The following GRID2 variants were observed in gnomAD, a reference collection of about 807,000 sequenced individuals.
The protein encoded by GRID2 is glutamate receptor ionotropic, delta-2.
A neutral mutation model predicts 114.8 loss-of-function variants in GRID2; 33 were observed. The ratio of observed to expected loss-of-function variants is 0.29; its 90% CI spans 0.22 to 0.38. The LOEUF (loss-of-function observed/expected upper bound fraction) is 0.38. Among genes scored for constraint, GRID2 ranks in the 10% least tolerant of loss-of-function variants. The pLI, the probability that GRID2 is intolerant of heterozygous loss-of-function variation, is 1.00. For missense variants in GRID2, 1,184 were observed against 1,257.7 expected (o/e 0.94, Z 0.89); for synonymous variants, 505 against 449.9 (o/e 1.12, Z -1.55).
At chr4:93,414,721 G>C (rs1404487750) in intron 9 of GRID2, among the ~76,000 whole-genome samples, 1 of 127,122 alleles carries the variant, frequency 7.9e-6, no homozygotes, top group African/African-American at 3.6e-5. Context: ...TTTTTTGTTT[G>C]TTGTCTGTCA....
chr4:93,788,228 G>A (rs932597628), intron 1 of GRID2, among the ~76,000 whole-genome samples: 9 of 151,914 alleles, frequency 5.9e-5, no homozygotes, highest in African/African-American at 2.2e-4. Flanking sequence ...TGAGACAGGA[G>A]AATAGCTTGA....
chr4:92,379,571 G>C (rs1003311255), intron 1 of GRID2, among the ~76,000 whole-genome samples: 3 of 151,988 alleles, frequency 2.0e-5, no homozygotes, highest in African/African-American at 4.8e-5. Flanking sequence ...ATATGGCGGG[G>C]TTGAACAGTA....
intron 2 of GRID2, among the ~76,000 whole-genome samples, chr4:92,986,554 A>G (rs935663206): frequency 1.3e-5 from 2 of 152,128 alleles, no homozygotes; most frequent in African/African-American, 4.8e-5. Context: ...CTTTGGTAGC[A>G]CACCACTGGC....
chr4:93,056,197 TAAAAG>T (rs1273650912), intron 2 of GRID2, among the ~76,000 whole-genome samples: 1 of 151,928 alleles, frequency 6.6e-6, no homozygotes, highest in African/African-American at 2.4e-5. Context: ...TTTTGAAACA[TAAAAG>T]AAACATATGT....
chr4:93,271,437 G>A (rs886403205), intron 8 of GRID2, among the ~76,000 whole-genome samples: 4 of 152,118 alleles, frequency 2.6e-5, no homozygotes, highest in Non-Finnish European at 2.9e-5. Context: ...CAGCAATCCC[G>A]GTTAGGAAGC....
At chr4:93,704,518 A>AT (rs1326709719) in intron 14 of GRID2, among the ~76,000 whole-genome samples, 27 of 152,112 alleles carry the variant, frequency 1.8e-4, no homozygotes, top group Admixed American at 1.8e-3. Context: ...CCATTTGTCA[A>AT]TTTTGGCTTT....
chr4:93,688,844 C>T (rs1393285974), intron 14 of GRID2, among the ~76,000 whole-genome samples: 2 of 151,998 alleles, frequency 1.3e-5, no homozygotes, highest in African/African-American at 2.4e-5. Context: ...GAATAAGTGA[C>T]CAATTTGTAA....
In GRID2 at chr4:92,417,790, C is replaced by A. The variant is rs528282638; in HGVS notation, c.88+113046C>A. On this transcript the variant is annotated intron_variant, in intron 1 of 15. Transcript: ENST00000282020. ...GTAATAATTCCCACATGTCATGGGA[C>A]GGACCCAGTAGGAAGTAATTGAATC... Among the ~76,000 whole-genome samples the A allele has an allele frequency of 3.3e-5, 5 of 152,196 alleles. No homozygotes were observed. The South Asian group carries it at 8.3e-4, about 25-fold the overall frequency.
At chr4:93,370,365 A>G (rs114631855) in intron 8 of GRID2, among the ~76,000 whole-genome samples, 149 of 151,596 alleles carry the variant, frequency 9.8e-4, no homozygotes, top group African/African-American at 3.2e-3. Flanking sequence ...TCATAATACT[A>G]CACACACAGA....
chr4:93,804,331 AGAGT>A (rs1462986410), intron 1 of GRID2, among the ~76,000 whole-genome samples: 1 of 152,208 alleles, frequency 6.6e-6, no homozygotes, highest in Non-Finnish European at 1.5e-5. Flanking sequence ...TGAACATCAC[AGAGT>A]GAGTATCCTC....
intron 2 of GRID2, among the ~76,000 whole-genome samples, chr4:92,832,405 G>GT (rs1169360873): frequency 1.3e-5 from 2 of 152,006 alleles, no homozygotes; most frequent in East Asian, 1.9e-4. Flanking sequence ...GTTTTGTTTT[G>GT]TTTTTTGAGA....
intron 2 of GRID2, among the ~76,000 whole-genome samples, chr4:93,060,228 C>T (rs893159030): frequency 4.6e-5 from 7 of 152,132 alleles, no homozygotes; most frequent in Admixed American, 2.6e-4. Context: ...TCTAGTCAAA[C>T]TGAAGCTGTC....
chr4:93,551,718 A>C (rs1330192279), intron 13 of GRID2, among the ~76,000 whole-genome samples: 17 of 152,176 alleles, frequency 1.1e-4, no homozygotes, highest in Admixed American at 1.1e-3. Context: ...TTGGTGCAAA[A>C]GTTATTGTGG....
At chr4:92,790,605 T>C (rs1442659617) in intron 2 of GRID2, among the ~76,000 whole-genome samples, 2 of 151,090 alleles carry the variant, frequency 1.3e-5, no homozygotes, top group East Asian at 2.0e-4. Context: ...TTTGTAGAGA[T>C]AGCAGTCTCA....
chr4:92,457,479 T>C (rs1361409746), intron 1 of GRID2, among the ~76,000 whole-genome samples: 2 of 152,132 alleles, frequency 1.3e-5, no homozygotes, highest in African/African-American at 4.8e-5. Flanking sequence ...TATATTTCTT[T>C]TATGCGCATC....
At chr4:92,560,738 C>G (rs1247711659) in intron 1 of GRID2, among the ~76,000 whole-genome samples, 1 of 152,058 alleles carries the variant, frequency 6.6e-6, no homozygotes, top group Non-Finnish European at 1.5e-5. Context: ...CAGAGTGCCA[C>G]TCTTGACGCC....
intron 8 of GRID2, among the ~76,000 whole-genome samples, chr4:93,349,719 G>C (rs1760604210): frequency 6.6e-6 from 1 of 152,006 alleles, no homozygotes; most frequent in Non-Finnish European, 1.5e-5. Flanking sequence ...TGAGCATCCA[G>C]CTCTCAGTGT....
chr4:92,822,179 G>T (rs12640873), intron 2 of GRID2: 240,176 of 415,692 alleles, frequency 0.58, 73,759 homozygotes, highest in African/African-American at 0.91. Flanking sequence ...CTGTGGTAGC[G>T]CAGAACCAGT....
exon 2 of GRID2, chr4:93,810,157 A>G (rs917746684): frequency 2.6e-5 from 4 of 152,214 alleles, no homozygotes; most frequent in Admixed American, 1.3e-4. Context: ...TTTGTCGTAC[A>G]GTAGCCTTTC....
Sources: gnomAD v4.1 joint callset for allele counts (sites outside exome capture counted in the v4.1 genomes callset) on GRCh38, gnomAD v4.1.1 for gene constraint, MANE v1.5 for transcripts, NCBI Gene and HGNC (gene_info 2026-07-23, HGNC 2026-07-21) for gene names.